CSMD3: variants seen among roughly 807,000 people sequenced by gnomAD.
CSMD3 encodes CUB and Sushi multiple domains 3.
Under a neutral mutation model 435.2 loss-of-function variants are expected in CSMD3, and 177 were observed. That is an observed-to-expected ratio of 0.41 (90% CI 0.36 to 0.46). The LOEUF (loss-of-function observed/expected upper bound fraction) is 0.46, where lower values mean the gene tolerates loss of function less well. CSMD3 is among the 20% of genes least tolerant of loss of function. The pLI, the probability that CSMD3 is intolerant of heterozygous loss-of-function variation, is 0.34. For synonymous variants in CSMD3, 1,656 were observed against 1,520.5 expected, an observed-to-expected ratio of 1.09 and a Z score of -2.07; for missense variants, 4,265 against 4,504.6, an observed-to-expected ratio of 0.95 and a Z score of 1.52.
intron 28 of CSMD3, among the ~76,000 whole-genome samples, chr8:112,516,614 G>C (rs1338279517): frequency 6.6e-6 from 1 of 152,082 alleles, no homozygotes; most frequent in East Asian, 1.9e-4. Context: ...TAAATAGAAA[G>C]ACAAAGCTTG....
At chr8:112,871,934 GT>G (rs2081147459) in intron 10 of CSMD3, among the ~76,000 whole-genome samples, 1 of 152,008 alleles carries the variant, frequency 6.6e-6, no homozygotes, top group Non-Finnish European at 1.5e-5. Context: ...CATTTTTCAT[GT>G]GTCAGAATTC....
At chr8:112,827,080 T>C (rs1438684167) in intron 12 of CSMD3, among the ~76,000 whole-genome samples, 1 of 149,208 alleles carries the variant, frequency 6.7e-6, no homozygotes, top group Non-Finnish European at 1.5e-5. Context: ...ACAAATGTAC[T>C]CTTTTTATAT....
chr8:112,315,774 T>A (rs1163360255), intron 47 of CSMD3, among the ~76,000 whole-genome samples: 7 of 151,834 alleles, frequency 4.6e-5, no homozygotes, highest in Non-Finnish European at 8.9e-5. Context: ...TAGAAATATA[T>A]CCCATGCAAT....
intron 1 of CSMD3, among the ~76,000 whole-genome samples, chr8:113,342,036 T>C (rs2094122633): frequency 6.6e-6 from 1 of 151,290 alleles, no homozygotes; most frequent in Non-Finnish European, 1.5e-5. Context: ...ATTACCAAAC[T>C]CGTAGAATAG....
At chr8:113,242,297 G>A (rs2093227739) in intron 3 of CSMD3, among the ~76,000 whole-genome samples, 1 of 151,798 alleles carries the variant, frequency 6.6e-6, no homozygotes, top group Admixed American at 6.6e-5. Flanking sequence ...CAATAAAGAG[G>A]AGCTTTTTTG....
At chr8:112,626,230 G>T (rs767725520) in intron 22 of CSMD3, among the ~76,000 whole-genome samples, 1 of 152,004 alleles carries the variant, frequency 6.6e-6, no homozygotes, top group African/African-American at 2.4e-5. Context: ...CTACTCTCTC[G>T]TATTCAACCG....
intron 3 of CSMD3, among the ~76,000 whole-genome samples, chr8:113,259,018 A>G (rs1675046241): frequency 6.6e-6 from 1 of 152,190 alleles, no homozygotes; most frequent in Non-Finnish European, 1.5e-5. Flanking sequence ...CATTTATTGA[A>G]AAAGACATGG....
intron 22 of CSMD3, among the ~76,000 whole-genome samples, chr8:112,587,617 T>C (rs898842658): frequency 1.3e-5 from 2 of 151,922 alleles, no homozygotes; most frequent in African/African-American, 2.4e-5. Flanking sequence ...TTTTGAATAA[T>C]TCTAACTTCA....
rs982194361 is a variant in CSMD3, at chr8:113,238,846, C to T, written c.514+39746G>A. On this transcript the variant is annotated intron_variant, in intron 3 of 70. Coordinates refer to ENST00000297405, the MANE Select transcript of CSMD3 (RefSeq NM_198123.2). ...GAAGTGTAAACATATAGCACATCAG[C>T]TCCTACTGTGATGATTAATTTTATT... is the stretch of plus-strand genomic sequence containing the variant. 3.9e-5 allele frequency among the ~76,000 whole-genome samples: 6 copies of T among 152,178 alleles called. No individual in the cohort carries two copies. The South Asian group carries it at 8.3e-4, about 21-fold the overall frequency.
chr8:112,357,928 G>C (rs906848420), intron 38 of CSMD3, among the ~76,000 whole-genome samples: 1 of 152,094 alleles, frequency 6.6e-6, no homozygotes, highest in Non-Finnish European at 1.5e-5. Flanking sequence ...TGAAAAGAAG[G>C]CCACCATCCT....
intron 1 of CSMD3, among the ~76,000 whole-genome samples, chr8:113,393,458 G>A (rs1314853223): frequency 6.6e-6 from 1 of 152,074 alleles, no homozygotes; most frequent in East Asian, 1.9e-4. Context: ...ACAAAATGGA[G>A]CTGGAGAAGT....
At chr8:112,629,835 T>C (rs1420550250) in intron 22 of CSMD3, among the ~76,000 whole-genome samples, 1 of 152,182 alleles carries the variant, frequency 6.6e-6, no homozygotes, top group Non-Finnish European at 1.5e-5. Context: ...CCCTTGAGTA[T>C]AGGCAGGATC....
chr8:113,408,904 A>T (rs2094545205), intron 1 of CSMD3, among the ~76,000 whole-genome samples: 1 of 151,808 alleles, frequency 6.6e-6, no homozygotes, highest in Non-Finnish European at 1.5e-5. Flanking sequence ...ACCTCAAATT[A>T]TCCACCTGGC....
In CSMD3 at chr8:112,701,501, T is replaced by C. The variant is rs535216337; in HGVS notation, c.1973-11451A>G. Reference sequence around the variant, plus strand: ...GTCCCATGATAATCGAGAGAAAGAATGGAATGAGACACTGTAAGCCAGGTA... The same window carrying C: ...GTCCCATGATAATCGAGAGAAAGAACGGAATGAGACACTGTAAGCCAGGTA... On this transcript the variant is annotated intron_variant, in intron 13 of 70. Transcript: ENST00000297405. Among the ~76,000 whole-genome samples, 33 of 152,018 alleles carry C rather than the reference T, an allele frequency of 2.2e-4. No homozygotes were observed. In the South Asian group the frequency reaches 5.8e-3, roughly 27 times the overall value.
chr8:113,376,735 T>C, intron 1 of CSMD3: 1 of 1,613,966 alleles, frequency 6.2e-7, no homozygotes, highest in South Asian at 1.1e-5. Flanking sequence ...CCAGGATATC[T>C]ACCTGAGGCT....
At chr8:113,156,955 A>G (rs2091946714) in intron 4 of CSMD3, among the ~76,000 whole-genome samples, 1 of 151,456 alleles carries the variant, frequency 6.6e-6, no homozygotes, top group Non-Finnish European at 1.5e-5. Context: ...AGAGAGAGAG[A>G]GACAGAGACA....
intron 4 of CSMD3, among the ~76,000 whole-genome samples, chr8:113,169,464 C>G (rs1253919648): frequency 1.3e-5 from 2 of 152,028 alleles, no homozygotes; most frequent in African/African-American, 4.8e-5. Flanking sequence ...TTCCCTGAGC[C>G]CTCATATGCA....
chr8:112,397,420 C>T (rs1423944084), intron 35 of CSMD3, among the ~76,000 whole-genome samples: 1 of 152,130 alleles, frequency 6.6e-6, no homozygotes, highest in East Asian at 1.9e-4. Context: ...GCAGAAAATA[C>T]AAGTCATATG....
chr8:112,327,844 A>C (rs547821736), intron 45 of CSMD3, among the ~76,000 whole-genome samples: 46 of 152,318 alleles, frequency 3.0e-4, no homozygotes, highest in African/African-American at 1.1e-3. Flanking sequence ...AAATTGGTTT[A>C]AGATTTGATT....
Sources: allele counts gnomAD v4.1 joint callset (sites outside exome capture counted in the v4.1 genomes callset), GRCh38; gene constraint gnomAD v4.1.1; transcripts MANE v1.5; gene names NCBI Gene and HGNC (gene_info 2026-07-23, HGNC 2026-07-21).